The following CLIC2 variants were observed in gnomAD, a reference collection of about 807,000 sequenced individuals.
CLIC2 encodes chloride intracellular channel protein 2.
In CLIC2, 9 loss-of-function variants were observed where a neutral mutation model predicts 14.8. The ratio of observed to expected loss-of-function variants is 0.61; its 90% CI spans 0.37 to 1.06. The LOEUF is 1.06. CLIC2 is among the 50% of genes least tolerant of loss of function. The probability of loss-of-function intolerance (pLI) is 0.01; values close to 1 mark genes in which losing one functional copy is unlikely to be tolerated. For missense variants in CLIC2, 148 were observed against 181.4 expected, an observed-to-expected ratio of 0.82 and a Z score of 1.06; for synonymous variants, 61 against 66.3, an observed-to-expected ratio of 0.92 and a Z score of 0.39.
At chrX:155,292,692 C>A (rs1334342812) in intron 3 of CLIC2, 14 of 332,945 alleles carry the variant, frequency 4.2e-5, no homozygotes, top group Non-Finnish European at 5.7e-5. Flanking sequence ...ATGGCGTGAA[C>A]CTGGGAGGCG....
intron 1 of CLIC2, among the ~76,000 whole-genome samples, chrX:155,316,196 A>G (rs1195901597): frequency 1.8e-5 from 2 of 111,790 alleles, no homozygotes; most frequent in African/African-American, 6.5e-5. Context: ...TGACAGCACT[A>G]GACAGGTCAT....
chrX:155,333,823 C>CT (rs1557323063), intron 1 of CLIC2, among the ~76,000 whole-genome samples: 1 of 110,029 alleles, frequency 9.1e-6, no homozygotes, highest in African/African-American at 3.3e-5. Context: ...ACACAGACTC[C>CT]TGTTTTTTTT....
At chrX:155,294,821 A>G (rs1174150599) in intron 3 of CLIC2, among the ~76,000 whole-genome samples, 1 of 112,055 alleles carries the variant, frequency 8.9e-6, no homozygotes, top group African/African-American at 3.2e-5. Context: ...CTGAGACTGA[A>G]TTGGGAAGAA....
At position 155,298,899 on chromosome X, in the gene CLIC2, T is replaced by C; in HGVS notation, c.179A>G (p.Glu60Gly). Residue 60 changes from glutamate to glycine, a missense_variant, in exon 3 of 6, where the codon GAA becomes GGA. Transcript: ENST00000369449. ...GGTACCTGGGGCTAAGTCCTTTAGT[T>C]CTTCAGGCTTTCTATGATTATTAAA... ...TTVDMTRKPE[E>G]LKDLAPGTNP... 3 of 1,209,723 alleles carry C rather than the reference T, an allele frequency of 2.5e-6. No individual in the cohort carries two copies. The highest frequency in any genetic ancestry group is 3.4e-6 in the Non-Finnish European group (3 of 893,748).
In CLIC2 at chrX:155,303,820, T is replaced by C. The variant is rs1327189560; in HGVS notation, c.58-4675A>G. Among the ~76,000 whole-genome samples, 31 of 102,672 alleles carry C rather than the reference T, an allele frequency of 3.0e-4. No individual in the cohort carries two copies. In the East Asian group the frequency reaches 6.2e-3, roughly 21 times the overall value. The allele number at this position is 102,672 out of a possible 115,157, so 89.2% of individuals were successfully genotyped here. ...GCATTTGCTTGTCTGTAAAGTATTT[T>C]ATTTCTCCTTCACTCATGAAGCTTA... On this transcript the variant is annotated intron_variant, in intron 1 of 5. Transcript: ENST00000369449.
intron 1 of CLIC2, among the ~76,000 whole-genome samples, chrX:155,321,047 A>G (rs2075112551): frequency 8.9e-6 from 1 of 111,969 alleles, no homozygotes; most frequent in Non-Finnish European, 1.9e-5. Context: ...AAAGCCTCCA[A>G]GAAATATAGG....
At chrX:155,304,835 T>TGG in intron 1 of CLIC2, among the ~76,000 whole-genome samples, 1 of 82,540 alleles carries the variant, frequency 1.2e-5, no homozygotes, top group Admixed American at 1.4e-4. Flanking sequence ...TGGAGTACCC[T>TGG]GCCGTGTGAG....
intron 1 of CLIC2, among the ~76,000 whole-genome samples, chrX:155,328,700 C>T (rs5983767): frequency 9.1e-6 from 1 of 110,463 alleles, no homozygotes; most frequent in Non-Finnish European, 1.9e-5. Flanking sequence ...AAGCTATCTC[C>T]TAAGCAATAC....
chrX:155,330,959 A>C (rs1029976832), intron 1 of CLIC2, among the ~76,000 whole-genome samples: 1 of 111,308 alleles, frequency 9.0e-6, no homozygotes, highest in South Asian at 3.8e-4. Flanking sequence ...AGAATTATTA[A>C]GGTCCAGAAA....
intron 1 of CLIC2, among the ~76,000 whole-genome samples, chrX:155,315,380 A>G (rs1171918222): frequency 8.9e-6 from 1 of 112,311 alleles, no homozygotes; most frequent in African/African-American, 3.2e-5. Context: ...TAACCTATAA[A>G]GGAAAACCTA....
chrX:155,309,542 T>A (rs2075066803), intron 1 of CLIC2: 1 of 282,758 alleles, frequency 3.5e-6, no homozygotes, highest in Non-Finnish European at 6.7e-6. Flanking sequence ...ACAAAAAAAA[T>A]AAAAATAAAA....
At chrX:155,294,510 A>G (rs2074986135) in intron 3 of CLIC2, among the ~76,000 whole-genome samples, 1 of 111,867 alleles carries the variant, frequency 8.9e-6, no homozygotes, top group Non-Finnish European at 1.9e-5. Context: ...AAGCAAGAAC[A>G]AACCAAATAC....
intron 1 of CLIC2, among the ~76,000 whole-genome samples, chrX:155,300,355 T>G (rs1326762642): frequency 9.0e-6 from 1 of 110,609 alleles, no homozygotes; most frequent in Non-Finnish European, 1.9e-5. Flanking sequence ...TCATGTGTTT[T>G]TTGGCTGCAT....
intron 1 of CLIC2, among the ~76,000 whole-genome samples, chrX:155,313,625 C>T (rs1158960913): frequency 8.9e-6 from 1 of 112,340 alleles, no homozygotes; most frequent in African/African-American, 3.2e-5. Flanking sequence ...AGGAGGCTCA[C>T]ATCATGATCT....
chrX:155,283,808 GGTT>G (rs1157847658), intron 3 of CLIC2, among the ~76,000 whole-genome samples: 9 of 110,724 alleles, frequency 8.1e-5, no homozygotes, highest in African/African-American at 3.0e-4. Flanking sequence ...TGCTTATTGT[GGTT>G]GTTGTTGGTT....
chrX:155,334,249 G>T, intron 1 of CLIC2, 122 bp downstream of exon 1: 1 of 593,423 alleles, frequency 1.7e-6, no homozygotes, highest in Non-Finnish European at 2.9e-6. Flanking sequence ...CTCAGAGTAG[G>T]AAAATAATCA....
intron 1 of CLIC2, among the ~76,000 whole-genome samples, chrX:155,332,859 T>C (rs987269312): frequency 9.8e-5 from 11 of 112,524 alleles, no homozygotes; most frequent in Non-Finnish European, 1.5e-4. Context: ...TTGAGTTGAA[T>C]GAACAGTTCA....
At chrX:155,304,612 T>C (rs782734041) in intron 1 of CLIC2, among the ~76,000 whole-genome samples, 19 of 103,054 alleles carry the variant, frequency 1.8e-4, no homozygotes, top group East Asian at 3.0e-4. Context: ...AGCTTTGTTC[T>C]GTTGCTGGTG....
intron 3 of CLIC2, among the ~76,000 whole-genome samples, chrX:155,282,057 C>T (rs1473755615): frequency 2.7e-5 from 3 of 111,325 alleles, no homozygotes; most frequent in Admixed American, 9.6e-5. Context: ...CCTCTCTTCT[C>T]TCATATCCCT....
Sources: allele counts gnomAD v4.1 joint callset (sites outside exome capture counted in the v4.1 genomes callset), GRCh38; gene constraint gnomAD v4.1.1; transcripts MANE v1.5; gene names NCBI Gene and HGNC (gene_info 2026-07-23, HGNC 2026-07-21).